The following WWOX variants were observed in gnomAD, a reference collection of about 807,000 sequenced individuals.
WWOX encodes WW domain-containing oxidoreductase.
Under a neutral mutation model 46.2 loss-of-function variants are expected in WWOX, and 69 were observed. That is an observed-to-expected ratio of 1.49 (90% CI 1.23 to 1.82). WWOX has a LOEUF of 1.82. Ranked by LOEUF, WWOX falls within the 40% of genes most tolerant of loss-of-function variation. WWOX has a pLI of 0.00. For missense variants in WWOX, 919 were observed against 542.6 expected, an observed-to-expected ratio of 1.69 and a Z score of -6.89; for synonymous variants, 359 against 202.6, an observed-to-expected ratio of 1.77 and a Z score of -6.56.
intron 8 of WWOX, among the ~76,000 whole-genome samples, chr16:79,133,095 T>C (rs2049913504): frequency 6.6e-6 from 1 of 152,242 alleles, no homozygotes; most frequent in Non-Finnish European, 1.5e-5. Flanking sequence ...GGGTTGTTTC[T>C]AGTTTCTTCG....
At chr16:78,918,793 T>G (rs1378074206) in intron 8 of WWOX, among the ~76,000 whole-genome samples, 1 of 152,204 alleles carries the variant, frequency 6.6e-6, no homozygotes, top group East Asian at 1.9e-4. Context: ...TTGTCTAAGC[T>G]CTATATTACA....
At chr16:78,504,041 CAG>C (rs986594449) in intron 8 of WWOX, among the ~76,000 whole-genome samples, 48 of 152,054 alleles carry the variant, frequency 3.2e-4, no homozygotes, top group African/African-American at 1.1e-3. Context: ...AGATGTCAGT[CAG>C]GGGGAAAAAA....
chr16:78,724,366 C>G (rs908479518), intron 8 of WWOX, among the ~76,000 whole-genome samples: 4 of 152,138 alleles, frequency 2.6e-5, no homozygotes, highest in Non-Finnish European at 5.9e-5. Context: ...TTAGCAACAA[C>G]TCCTAAAATA....
At chr16:79,008,616 T>C (rs2047238183) in intron 8 of WWOX, among the ~76,000 whole-genome samples, 1 of 152,182 alleles carries the variant, frequency 6.6e-6, no homozygotes, top group Non-Finnish European at 1.5e-5. Flanking sequence ...TTATGCACCA[T>C]GCCAAAGGCC....
intron 8 of WWOX, among the ~76,000 whole-genome samples, chr16:78,446,077 T>C (rs1246388998): frequency 6.6e-6 from 1 of 152,216 alleles, no homozygotes; most frequent in Non-Finnish European, 1.5e-5. Context: ...AAGCGCAAAA[T>C]AGAAATGCTA....
At chr16:78,357,715 C>T (rs1228239326) in intron 5 of WWOX, among the ~76,000 whole-genome samples, 1 of 152,142 alleles carries the variant, frequency 6.6e-6, no homozygotes, top group Admixed American at 6.5e-5. Context: ...CTTCCACATG[C>T]CAGGCACAGT....
chr16:79,074,320 C>A (rs756750748), intron 8 of WWOX, among the ~76,000 whole-genome samples: 1 of 148,018 alleles, frequency 6.8e-6, no homozygotes, highest in Non-Finnish European at 1.5e-5. Flanking sequence ...ATTTCCCACA[C>A]TTTAAATGAG....
At chr16:78,603,687 C>G (rs78995431) in intron 8 of WWOX, among the ~76,000 whole-genome samples, 1 of 151,980 alleles carries the variant, frequency 6.6e-6, no homozygotes, top group Non-Finnish European at 1.5e-5. Context: ...GAGTGAGACA[C>G]TCTCAAAATA....
At chr16:78,897,303 GGTAA>G (rs532016455) in intron 8 of WWOX, 57 of 147,120 alleles carry the variant, frequency 3.9e-4, no homozygotes, top group African/African-American at 1.3e-3. Context: ...CCATCACGTC[GGTAA>G]GTATCTCATT....
At chr16:78,780,078 G>T (rs2050286274) in intron 8 of WWOX, among the ~76,000 whole-genome samples, 1 of 152,102 alleles carries the variant, frequency 6.6e-6, no homozygotes, top group African/African-American at 2.4e-5. Context: ...ATAAATTAAT[G>T]GTGTGGCCAT....
At chr16:78,111,374 G>C (rs2032480550) in intron 3 of WWOX, among the ~76,000 whole-genome samples, 1 of 152,138 alleles carries the variant, frequency 6.6e-6, no homozygotes, top group Non-Finnish European at 1.5e-5. Context: ...ATTACTCTTT[G>C]TGGCATTACT....
At chr16:78,667,600 G>A (rs960122759) in intron 8 of WWOX, among the ~76,000 whole-genome samples, 2 of 148,354 alleles carry the variant, frequency 1.3e-5, no homozygotes, top group Non-Finnish European at 3.0e-5. Flanking sequence ...GAACCTGGGA[G>A]GCAGAGGTAG....
chr16:78,115,724 T>C (rs571838486), intron 4 of WWOX, among the ~76,000 whole-genome samples: 62 of 152,322 alleles, frequency 4.1e-4, no homozygotes, highest in African/African-American at 1.4e-3. Context: ...TGCTTCAATA[T>C]GATGGGCCAT....
intron 8 of WWOX, among the ~76,000 whole-genome samples, chr16:78,555,287 C>G (rs1041596521): frequency 6.6e-6 from 1 of 151,714 alleles, no homozygotes; most frequent in African/African-American, 2.4e-5. Context: ...ATTTTTCAAC[C>G]AAACTGAAAG....
At chr16:78,209,601 T>C (rs944721605) in intron 5 of WWOX, among the ~76,000 whole-genome samples, 1 of 152,214 alleles carries the variant, frequency 6.6e-6, no homozygotes, top group Non-Finnish European at 1.5e-5. Context: ...CTATTCTTTG[T>C]AAATCTAATA....
chr16:78,119,671 T>G, intron 4 of WWOX, among the ~76,000 whole-genome samples: 1 of 151,876 alleles, frequency 6.6e-6, no homozygotes, highest in East Asian at 1.9e-4. Context: ...ACTGTGTTGC[T>G]CAGGTGTTGG....
intron 8 of WWOX, among the ~76,000 whole-genome samples, chr16:78,853,534 C>A (rs149807183): frequency 6.6e-6 from 1 of 152,148 alleles, no homozygotes; most frequent in Admixed American, 6.6e-5. Flanking sequence ...GCTAAAACCC[C>A]CTCACTGCTC....
At chr16:78,618,347 T>C (rs2046081702) in intron 8 of WWOX, among the ~76,000 whole-genome samples, 1 of 152,204 alleles carries the variant, frequency 6.6e-6, no homozygotes, top group African/African-American at 2.4e-5. Flanking sequence ...CTCACAGTTC[T>C]GGAGGTTGGG....
chr16:78,754,838 C>G (rs532983585), intron 8 of WWOX, among the ~76,000 whole-genome samples: 8 of 152,166 alleles, frequency 5.3e-5, no homozygotes, highest in Admixed American at 2.0e-4. Context: ...GGGAGCTGTA[C>G]TACCTCAGCT....
Sources: gnomAD v4.1 joint callset for allele counts (sites outside exome capture counted in the v4.1 genomes callset) on GRCh38, gnomAD v4.1.1 for gene constraint, MANE v1.5 for transcripts, NCBI Gene and HGNC (gene_info 2026-07-23, HGNC 2026-07-21) for gene names.